Variants in CACNA1B observed in about 807,000 individuals in gnomAD.
CACNA1B encodes the protein voltage-dependent N-type calcium channel subunit alpha-1B.
In CACNA1B, 70 loss-of-function variants were observed where a neutral mutation model predicts 247.2. The ratio of observed to expected loss-of-function variants is 0.28; its 90% CI spans 0.23 to 0.35. CACNA1B has a LOEUF of 0.35. Ranked by LOEUF, CACNA1B falls within the 10% of genes least tolerant of loss-of-function variation. The pLI, the probability that CACNA1B is intolerant of heterozygous loss-of-function variation, is 1.00. For missense variants in CACNA1B, 2,367 were observed against 3,197.4 expected, an observed-to-expected ratio of 0.74 and a Z score of 6.26; for synonymous variants, 1,231 against 1,294.4, an observed-to-expected ratio of 0.95 and a Z score of 1.05.
At position 138,023,546 on chromosome 9, in the gene CACNA1B, C is replaced by T; in HGVS notation, c.2803C>T (p.His935Tyr). The stretch of plus-strand genomic sequence containing the variant: ...GGCGGCCGAGCGGGAGCCCCGACGC[C>T]ACCGCGCGCACCGGCACCAGGATCC... ...EEAAEREPRRHRAHRHQDPSK... is the reference protein window; with the variant it reads ...EEAAEREPRRYRAHRHQDPSK... Residue 935 changes from histidine (H) to tyrosine (Y), a missense_variant, in exon 19 of 47, where the codon CAC becomes TAC. Transcript: ENST00000371372. 2 of 1,085,062 alleles carry T rather than the reference C, an allele frequency of 1.8e-6. No individual in the cohort carries two copies. The highest frequency in any genetic ancestry group is 3.0e-5 in the South Asian group (1 of 33,730). The allele number at this position is 1,085,062 out of a possible 1,614,324, so 67.2% of individuals were successfully genotyped here.
At chr9:137,938,029 A>G (rs1957690474) in intron 6 of CACNA1B, among the ~76,000 whole-genome samples, 1 of 151,748 alleles carries the variant, frequency 6.6e-6, no homozygotes, top group African/African-American at 2.4e-5. Flanking sequence ...CAGGTAACCT[A>G]TAAAGGAAAA....
At chr9:138,028,019 C>A (rs909562404) in intron 20 of CACNA1B, among the ~76,000 whole-genome samples, 1 of 147,690 alleles carries the variant, frequency 6.8e-6, no homozygotes, top group African/African-American at 2.5e-5. Context: ...CACTCCCCCC[C>A]AACCTTTTTT....
At chr9:138,105,132 A>G (rs1348039314) in intron 38 of CACNA1B, among the ~76,000 whole-genome samples, 1 of 152,222 alleles carries the variant, frequency 6.6e-6, no homozygotes, top group Non-Finnish European at 1.5e-5. Context: ...GACATCGAGC[A>G]TCTCTCCCAG....
chr9:137,976,080 C>T, intron 12 of CACNA1B, 61 bp downstream of exon 12: 1 of 1,019,148 alleles, frequency 9.8e-7, no homozygotes, highest in South Asian at 1.3e-5. Flanking sequence ...GCACACAGCC[C>T]CCTCCCATAG....
chr9:137,885,075 C>A (rs1369144388), intron 3 of CACNA1B, among the ~76,000 whole-genome samples: 1 of 147,738 alleles, frequency 6.8e-6, no homozygotes, highest in Non-Finnish European at 1.5e-5. Flanking sequence ...TCTTCTGCCC[C>A]TCTTTCCCTT....
chr9:138,118,104 G>T, intron 43 of CACNA1B, 23 bp downstream of exon 43: 1 of 1,510,346 alleles, frequency 6.6e-7, no homozygotes, highest in Non-Finnish European at 8.9e-7. Flanking sequence ...GGGGGCTAGT[G>T]AGACTGGGTT....
intron 10 of CACNA1B, among the ~76,000 whole-genome samples, chr9:137,968,496 CA>C (rs1958107696): frequency 2.0e-5 from 3 of 152,264 alleles, no homozygotes; most frequent in South Asian, 2.1e-4. Context: ...GCACGAGGGC[CA>C]GGGGTGACAG....
chr9:138,088,059 T>A (rs1318539220), intron 36 of CACNA1B, among the ~76,000 whole-genome samples: 1 of 151,806 alleles, frequency 6.6e-6, no homozygotes, highest in Admixed American at 6.6e-5. Flanking sequence ...GATGAAAACA[T>A]TACAAAAGAT....
Position 138,059,861 on chromosome 9 carries a change from A to C in CACNA1B, c.4668+124A>C. 1.5e-6 allele frequency: 1 copy of C among 663,558 alleles called. No individual in the cohort carries two copies. The highest frequency in any genetic ancestry group is 2.7e-6 in the Non-Finnish European group (1 of 365,588). The allele number at this position is 663,558 out of a possible 1,614,324, so 41.1% of individuals were successfully genotyped here. A position where few individuals can be genotyped will look rare whatever the true frequency, so the allele number is the denominator to read the frequency against. On this transcript the variant is annotated intron_variant, in intron 31 of 46. Coordinates refer to ENST00000371372, the MANE Select transcript of CACNA1B (RefSeq NM_000718.4). The surrounding 1 kb of genome is among the most constrained non-coding windows in gnomAD (Gnocchi z 4.2). Reference sequence around the variant, plus strand: ...CTGGGTTCCGCAGAACCCCCTGGACATGTGGAGGCTTCGCTCCAGGGGTGG... The same window carrying C: ...CTGGGTTCCGCAGAACCCCCTGGACCTGTGGAGGCTTCGCTCCAGGGGTGG...
intron 6 of CACNA1B, among the ~76,000 whole-genome samples, chr9:137,931,710 G>A (rs1335061828): frequency 6.6e-6 from 1 of 152,172 alleles, no homozygotes; most frequent in African/African-American, 2.4e-5. Context: ...TGGAGACATG[G>A]TAGTTGCTGG....
chr9:138,040,138 C>T (rs1959099186), intron 20 of CACNA1B, among the ~76,000 whole-genome samples: 1 of 152,092 alleles, frequency 6.6e-6, no homozygotes, highest in Non-Finnish European at 1.5e-5. Context: ...GGAGTTTCTC[C>T]ATGTTGCCCA....
chr9:137,984,050 G>C, intron 12 of CACNA1B, 88 bp from the exon 13 acceptor site: 1 of 948,224 alleles, frequency 1.1e-6, no homozygotes, highest in South Asian at 1.4e-5. Flanking sequence ...TTACGGAGAG[G>C]TGCAGCCACG....
chr9:138,037,591 G>A (rs958696859), intron 20 of CACNA1B, among the ~76,000 whole-genome samples: 13 of 152,086 alleles, frequency 8.5e-5, no homozygotes, highest in African/African-American at 2.4e-4. Context: ...CACGAGAGGC[G>A]GAGGTTGCAG....
Position 137,929,368 on chromosome 9 carries a change from C to G in CACNA1B, c.966+11937C>G, listed in dbSNP as rs117452048. ...CAAGAATTTGAGACCAGCCTGGGCA[C>G]CATAGCAAGACCCTGTCTCTACAAA... is the stretch of plus-strand genomic sequence containing the variant. On this transcript the variant is annotated intron_variant, in intron 6 of 46. Coordinates refer to ENST00000371372, the MANE Select transcript of CACNA1B (RefSeq NM_000718.4). Among the ~76,000 whole-genome samples, 414 of 151,548 alleles carry G rather than the reference C, an allele frequency of 2.7e-3. 5 individuals carry two copies. In the East Asian group the frequency reaches 0.041, roughly 15 times the overall value.
At chr9:138,021,620 A>G (rs956338347) in intron 18 of CACNA1B, among the ~76,000 whole-genome samples, 1 of 152,248 alleles carries the variant, frequency 6.6e-6, no homozygotes, top group African/African-American at 2.4e-5. Context: ...GGTCTGGCCA[A>G]GGACTCGTGT....
chr9:137,945,390 C>A (rs117528792), intron 6 of CACNA1B, among the ~76,000 whole-genome samples: 1 of 152,178 alleles, frequency 6.6e-6, no homozygotes, highest in African/African-American at 2.4e-5. Context: ...GTCTTGTCTG[C>A]GGTTCCCAAG....
intron 20 of CACNA1B, among the ~76,000 whole-genome samples, chr9:138,028,874 C>T (rs994487985): frequency 1.3e-5 from 2 of 152,116 alleles, no homozygotes; most frequent in Non-Finnish European, 2.9e-5. Flanking sequence ...TAAAAGTTCC[C>T]AGAGTTAAAA....
intron 41 of CACNA1B, among the ~76,000 whole-genome samples, chr9:138,114,838 A>G (rs1410026255): frequency 6.6e-6 from 1 of 152,112 alleles, no homozygotes; most frequent in Admixed American, 6.5e-5. Flanking sequence ...TGAAAGGAGA[A>G]CTGTTTTCCC....
chr9:137,893,487 A>T (rs2133247050), intron 3 of CACNA1B, among the ~76,000 whole-genome samples: 1 of 151,718 alleles, frequency 6.6e-6, no homozygotes, highest in South Asian at 2.1e-4. Context: ...CATCTCTACT[A>T]AAAATACAAA....
Sources: allele counts gnomAD v4.1 joint callset (sites outside exome capture counted in the v4.1 genomes callset), GRCh38; gene constraint gnomAD v4.1.1; non-coding constraint Gnocchi (gnomAD v3.1); transcripts MANE v1.5; gene names NCBI Gene and HGNC (gene_info 2026-07-23, HGNC 2026-07-21).